The following SKAP2 variants were observed in gnomAD, a reference collection of about 807,000 sequenced individuals.
The protein encoded by SKAP2 is src kinase associated phosphoprotein 2, also known as src kinase-associated phosphoprotein 2.
Under a neutral mutation model 54.9 loss-of-function variants are expected in SKAP2, and 28 were observed. That is an observed-to-expected ratio of 0.51 (90% confidence interval 0.38 to 0.70). The LOEUF is 0.70. SKAP2 is among the 30% of genes least tolerant of loss of function. SKAP2 has a pLI of 0.00. For missense variants in SKAP2, 356 were observed against 424.1 expected (o/e 0.84, Z 1.41); for synonymous variants, 137 against 134.3 (o/e 1.02, Z -0.14).
At chr7:26,789,768 T>C (rs2127981114) in intron 4 of SKAP2, among the ~76,000 whole-genome samples, 1 of 152,286 alleles carries the variant, frequency 6.6e-6, no homozygotes, top group South Asian at 2.1e-4. Context: ...GGGAATAATT[T>C]TGTACAGTCA....
chr7:26,732,531 A>G (rs1462708616), intron 6 of SKAP2, among the ~76,000 whole-genome samples: 2 of 152,232 alleles, frequency 1.3e-5, no homozygotes, highest in African/African-American at 4.8e-5. Context: ...GCAAACAAAA[A>G]TATGAAATGT....
chr7:26,701,746 TAAATAAATAAAC>T (rs146574037), intron 9 of SKAP2, among the ~76,000 whole-genome samples: 52,665 of 147,520 alleles, frequency 0.36, 10,125 homozygotes, highest in East Asian at 0.58. Context: ...AATAAATAAA[TAAATAAATAAAC>T]AAATAAATAA....
intron 4 of SKAP2, among the ~76,000 whole-genome samples, chr7:26,777,032 C>T (rs1243290843): frequency 6.6e-6 from 1 of 151,944 alleles, no homozygotes; most frequent in Non-Finnish European, 1.5e-5. Context: ...TCTCAGGAAA[C>T]CAAAATGTAG....
chr7:26,699,132 A>T (rs1786965615), intron 9 of SKAP2, among the ~76,000 whole-genome samples: 1 of 152,228 alleles, frequency 6.6e-6, no homozygotes, highest in African/African-American at 2.4e-5. Flanking sequence ...TGAAAAGTTC[A>T]TTGGTATGGT....
the SKAP2 span, among the ~76,000 whole-genome samples, chr7:26,660,579 A>G: frequency 2.0e-5 from 3 of 152,006 alleles, no homozygotes; most frequent in Non-Finnish European, 4.4e-5. Flanking sequence ...TACTATAATC[A>G]CTTAGGAAAA....
At chr7:26,834,963 A>G in intron 4 of SKAP2, among the ~76,000 whole-genome samples, 1 of 152,156 alleles carries the variant, frequency 6.6e-6, no homozygotes, top group African/African-American at 2.4e-5. Flanking sequence ...ACTGGCAAAC[A>G]AAATCCAGCA....
At chr7:26,759,561 TTGC>T (rs1782878907) in intron 4 of SKAP2, among the ~76,000 whole-genome samples, 1 of 152,102 alleles carries the variant, frequency 6.6e-6, no homozygotes, top group South Asian at 2.1e-4. Flanking sequence ...ACACAGGATA[TTGC>T]TGACAGGATA....
chr7:26,684,349 C>T (rs1456337380), intron 11 of SKAP2, among the ~76,000 whole-genome samples: 1 of 151,970 alleles, frequency 6.6e-6, no homozygotes, highest in Non-Finnish European at 1.5e-5. Flanking sequence ...ATAGTGTTTC[C>T]AGTAGTGAAT....
At position 26,670,123 on chromosome 7, in the gene SKAP2, T is replaced by C. The variant is rs762169255; in HGVS notation, c.1057A>G (p.Ile353Val). The C allele has an allele frequency of 2.0e-6, 3 of 1,538,276 alleles. No homozygotes were observed. Among genetic ancestry groups the C allele is most frequent in the Non-Finnish European group, 2.7e-6 (3 of 1,111,026 alleles). The change falls in exon 12 of 13, where the codon ATA becomes GTA. Residue 353 changes from isoleucine to valine, a missense_variant. By Grantham distance (29) the Ile-to-Val change is conservative. Transcript: ENST00000345317. ...GAIGLVPKAYIMEMYDI is the reference protein window; with the variant it reads ...GAIGLVPKAYVMEMYDI ...TCTCAAATATCATACATCTCCATTA[T>C]GTAGGCTTTAGGCACCAAGCCAATG...
At chr7:26,851,404 G>A (rs989125825) in intron 3 of SKAP2, among the ~76,000 whole-genome samples, 49 of 151,980 alleles carry the variant, frequency 3.2e-4, no homozygotes, top group Admixed American at 3.0e-3. Flanking sequence ...AGATGGTGCC[G>A]CTACACTCCA....
chr7:26,825,341 A>G (rs1353224789), intron 4 of SKAP2, among the ~76,000 whole-genome samples: 1 of 152,054 alleles, frequency 6.6e-6, no homozygotes, highest in Admixed American at 6.6e-5. Context: ...AACTGCCTCA[A>G]TTGTTTTTTA....
chr7:26,793,435 C>T (rs2127982214), intron 4 of SKAP2, among the ~76,000 whole-genome samples: 1 of 152,290 alleles, frequency 6.6e-6, no homozygotes, highest in East Asian at 1.9e-4. Flanking sequence ...TGTGGAAGGA[C>T]TGATAACTCA....
intron 4 of SKAP2, among the ~76,000 whole-genome samples, chr7:26,822,280 C>T (rs1041296807): frequency 5.3e-5 from 8 of 152,112 alleles, no homozygotes; most frequent in Non-Finnish European, 1.2e-4. Context: ...TCTATCAGCA[C>T]CATTTTTTCA....
chr7:26,753,404 T>C lies in SKAP2; in HGVS notation c.308-13440A>G, dbSNP rs527691202. Among the ~76,000 whole-genome samples the C allele has an allele frequency of 4.5e-4, 69 of 152,328 alleles. 1 individual carries two copies. In the South Asian group the frequency reaches 0.014, roughly 31 times the overall value. On this transcript the variant is annotated intron_variant, in intron 4 of 12. Coordinates refer to ENST00000345317, the MANE Select transcript of SKAP2 (RefSeq NM_003930.5). The stretch of plus-strand genomic sequence containing the variant: ...GCTCAGAATGGTATATTTAAAAACC[T>C]TGTTTTGTGTACAGGATTTGTAAAA...
At chr7:26,855,362 T>C (rs924109353) in intron 1 of SKAP2, among the ~76,000 whole-genome samples, 21 of 152,094 alleles carry the variant, frequency 1.4e-4, no homozygotes, top group African/African-American at 5.1e-4. Context: ...GTATAATCAA[T>C]TTTCAGGTAT....
chr7:26,817,413 G>C (rs1185124433), intron 4 of SKAP2, among the ~76,000 whole-genome samples: 1 of 151,886 alleles, frequency 6.6e-6, no homozygotes, highest in Admixed American at 6.6e-5. Flanking sequence ...TAGTAAAACA[G>C]AGCAAGAAAA....
At chr7:26,655,097 CTAAAAGCAGTGACTTACA>C in the SKAP2 span, among the ~76,000 whole-genome samples, 1 of 152,166 alleles carries the variant, frequency 6.6e-6, no homozygotes, top group Non-Finnish European at 1.5e-5. Flanking sequence ...ATCACCACTG[CTAAAAGCAGTGACTTACA>C]GGTAAGAAGG....
intron 4 of SKAP2, among the ~76,000 whole-genome samples, chr7:26,813,847 T>C (rs1156300424): frequency 6.6e-6 from 1 of 152,230 alleles, no homozygotes; most frequent in Non-Finnish European, 1.5e-5. Context: ...ATATTTTCTT[T>C]CTATGTAATT....
chr7:26,686,966 T>C (rs908784955), intron 10 of SKAP2, among the ~76,000 whole-genome samples: 2 of 151,942 alleles, frequency 1.3e-5, no homozygotes, highest in Non-Finnish European at 2.9e-5. Context: ...AAAACTAGAG[T>C]AGAGGTTTTG....
Sources: gnomAD v4.1 joint callset for allele counts (sites outside exome capture counted in the v4.1 genomes callset) on GRCh38, gnomAD v4.1.1 for gene constraint, MANE v1.5 for transcripts, NCBI Gene and HGNC (gene_info 2026-07-23, HGNC 2026-07-21) for gene names.